RAB38: variants seen among roughly 807,000 people sequenced by gnomAD.
RAB38 encodes ras-related protein Rab-38.
RAB38 carries 15 observed loss-of-function variants against 18.4 expected under a neutral mutation model. The observed-to-expected ratio is 0.82, with a 90% CI of 0.55 to 1.26. The LOEUF (loss-of-function observed/expected upper bound fraction) is 1.26, where lower values mean the gene tolerates loss of function less well. Ranked by LOEUF, RAB38 falls within the 50% of genes most tolerant of loss-of-function variation. RAB38 has a pLI of 0.00. For missense variants in RAB38, 294 were observed against 267.4 expected (o/e 1.10, Z -0.69); for synonymous variants, 101 against 104.4 (o/e 0.97, Z 0.20).
At chr11:88,081,150 A>C in the RAB38 span, among the ~76,000 whole-genome samples, 2 of 152,012 alleles carry the variant, frequency 1.3e-5, no homozygotes, top group South Asian at 4.1e-4. Flanking sequence ...TCAAATGATG[A>C]CAAATGTGCA....
intron 1 of RAB38, among the ~76,000 whole-genome samples, chr11:88,152,586 G>A (rs2134831229): frequency 6.6e-6 from 1 of 152,182 alleles, no homozygotes; most frequent in African/African-American, 2.4e-5. Flanking sequence ...CCAGCAAGAG[G>A]TCACACTTAG....
the RAB38 span, among the ~76,000 whole-genome samples, chr11:87,958,482 T>A: frequency 3.3e-5 from 5 of 152,104 alleles, no homozygotes; most frequent in African/African-American, 1.2e-4. Flanking sequence ...GCTAGTGTTG[T>A]TCTTAGTAAT....
chr11:88,013,747 A>T, the RAB38 span, among the ~76,000 whole-genome samples: 1,437 of 152,266 alleles, frequency 9.4e-3, 10 homozygotes, highest in Non-Finnish European at 0.015. Context: ...TGGTTTACTA[A>T]TGAAAGCTTC....
chr11:87,812,338 A>C, the RAB38 span, among the ~76,000 whole-genome samples: 3 of 152,122 alleles, frequency 2.0e-5, no homozygotes, highest in African/African-American at 7.2e-5. Flanking sequence ...TGATTAAATC[A>C]CTTCTGAAGC....
chr11:87,808,928 T>C, the RAB38 span, among the ~76,000 whole-genome samples: 5 of 152,068 alleles, frequency 3.3e-5, no homozygotes, highest in African/African-American at 1.2e-4. Flanking sequence ...AAATTAAACA[T>C]GCATGTTAAA....
At chr11:87,894,756 T>A in the RAB38 span, among the ~76,000 whole-genome samples, 1 of 146,768 alleles carries the variant, frequency 6.8e-6, no homozygotes, top group Non-Finnish European at 1.5e-5. Flanking sequence ...TATGTATACA[T>A]TATATATCAT....
At chr11:87,845,070 C>A in the RAB38 span, among the ~76,000 whole-genome samples, 1 of 152,164 alleles carries the variant, frequency 6.6e-6, no homozygotes, top group Admixed American at 6.6e-5. Context: ...TTTGAACCAT[C>A]ATCCACAGAA....
chr11:88,159,531 T>C (rs565379134), intron 1 of RAB38, among the ~76,000 whole-genome samples: 1 of 151,706 alleles, frequency 6.6e-6, no homozygotes, highest in South Asian at 2.1e-4. Context: ...GCCAAAGTAA[T>C]ACTAAGCAAA....
chr11:87,970,570 C>T, the RAB38 span, among the ~76,000 whole-genome samples: 1 of 152,088 alleles, frequency 6.6e-6, no homozygotes, highest in East Asian at 1.9e-4. Flanking sequence ...AGAGCATAGA[C>T]TTTCTATGTT....
At chr11:87,815,785 A>G in the RAB38 span, 6 of 152,216 alleles carry the variant, frequency 3.9e-5, no homozygotes, top group African/African-American at 7.2e-5. Flanking sequence ...TGTGGTTCCT[A>G]TAGTTGTGAG....
chr11:88,154,407 G>A (rs1344654009), intron 1 of RAB38, among the ~76,000 whole-genome samples: 6 of 152,218 alleles, frequency 3.9e-5, no homozygotes, highest in Non-Finnish European at 8.8e-5. Flanking sequence ...CTTGGGACAG[G>A]AGGAGGGCTG....
chr11:87,844,003 C>G, the RAB38 span, among the ~76,000 whole-genome samples: 1 of 152,162 alleles, frequency 6.6e-6, no homozygotes, highest in Admixed American at 6.5e-5. Flanking sequence ...CATATTTCCT[C>G]ATCTCTTAGT....
At chr11:88,005,294 G>A in the RAB38 span, among the ~76,000 whole-genome samples, 3 of 151,262 alleles carry the variant, frequency 2.0e-5, no homozygotes, top group African/African-American at 7.3e-5. Flanking sequence ...ATACAGATTA[G>A]TTGTAAGAAA....
chr11:87,947,772 C>A, the RAB38 span, among the ~76,000 whole-genome samples: 2 of 152,170 alleles, frequency 1.3e-5, no homozygotes, highest in African/African-American at 4.8e-5. Context: ...CAGTACCATG[C>A]TGTTTTGGTT....
chr11:88,155,255 C>T (rs1013781281), intron 1 of RAB38, among the ~76,000 whole-genome samples: 1 of 152,190 alleles, frequency 6.6e-6, no homozygotes, highest in Non-Finnish European at 1.5e-5. Context: ...GACCACTGTG[C>T]GTTCCAAGAA....
At chr11:88,013,702 G>A in the RAB38 span, among the ~76,000 whole-genome samples, 3 of 152,066 alleles carry the variant, frequency 2.0e-5, no homozygotes, top group Non-Finnish European at 4.4e-5. Context: ...AAGATGCATA[G>A]GCCAAGTCCT....
the RAB38 span, among the ~76,000 whole-genome samples, chr11:87,962,507 GC>G: frequency 6.9e-6 from 1 of 145,444 alleles, no homozygotes; most frequent in African/African-American, 2.5e-5. Flanking sequence ...GGGGCAGGGG[GC>G]AGGGGGGAAG....
At chr11:87,895,391 C>T in the RAB38 span, among the ~76,000 whole-genome samples, 1 of 151,446 alleles carries the variant, frequency 6.6e-6, no homozygotes, top group East Asian at 2.0e-4. Context: ...TGAGGGAGGG[C>T]GATTTGGCTC....
the RAB38 span, among the ~76,000 whole-genome samples, chr11:88,013,872 G>A: frequency 6.6e-6 from 1 of 152,108 alleles, no homozygotes; most frequent in Non-Finnish European, 1.5e-5. Flanking sequence ...CAATAGCACA[G>A]TAAAGAGCAC....
Sources: allele counts gnomAD v4.1 joint callset (sites outside exome capture counted in the v4.1 genomes callset), GRCh38; gene constraint gnomAD v4.1.1; transcripts MANE v1.5; gene names NCBI Gene and HGNC (gene_info 2026-07-23, HGNC 2026-07-21).